Variants in IL1RAPL1 observed in about 807,000 individuals in gnomAD.
IL1RAPL1 encodes the protein interleukin-1 receptor accessory protein-like 1.
In IL1RAPL1, 3 loss-of-function variants were observed where a neutral mutation model predicts 48.4. That is an observed-to-expected ratio of 0.06 (90% confidence interval 0.03 to 0.16). The LOEUF is 0.16. Among genes scored for constraint, IL1RAPL1 ranks in the 10% least tolerant of loss-of-function variants. The pLI is 1.00. For missense variants in IL1RAPL1, 349 were observed against 530.6 expected (o/e 0.66, Z 3.36); for synonymous variants, 185 against 187.7 (o/e 0.99, Z 0.12).
intron 5 of IL1RAPL1, among the ~76,000 whole-genome samples, chrX:29,630,829 C>T (rs1253274285): frequency 5.3e-5 from 6 of 112,298 alleles, no homozygotes; most frequent in African/African-American, 1.3e-4. Context: ...TGAGCCACCG[C>T]GCCCAGCCCT....
At position 29,712,698 on chromosome X, in the gene IL1RAPL1, G is replaced by T. The variant is rs746299310; in HGVS notation, c.778+44194G>T. Among the ~76,000 whole-genome samples, 91 of 111,979 alleles carry T rather than the reference G, an allele frequency of 8.1e-4. 1 individual carries two copies. Among genetic ancestry groups the T allele is most frequent in the Non-Finnish European group, 1.3e-3 (69 of 53,134 alleles). On this transcript the variant is annotated intron_variant, in intron 6 of 10. Transcript: ENST00000378993. ...TTTGAGTAAAAAGAGTATATTTCTT[G>T]TGGAGTCTACATTGGTGCATTGTGG...
chrX:29,925,410 C>CTTTTTTTT (rs1569204989), intron 8 of IL1RAPL1, among the ~76,000 whole-genome samples: 4 of 6,066 alleles, frequency 6.6e-4, no homozygotes, highest in African/African-American at 1.4e-3. Context: ...TGTCCCGTAA[C>CTTTTTTTT]TGTTTTTTTT....
chrX:28,788,711 A>G (rs148006683), intron 1 of IL1RAPL1, among the ~76,000 whole-genome samples: 4,394 of 107,215 alleles, frequency 0.041, 242 homozygotes, highest in African/African-American at 0.14. Context: ...CAAGGGATCT[A>G]CCCGCTTCAG....
At chrX:29,387,776 T>G (rs1178254930) in intron 3 of IL1RAPL1, among the ~76,000 whole-genome samples, 1 of 110,901 alleles carries the variant, frequency 9.0e-6, no homozygotes, top group Non-Finnish European at 1.9e-5. Flanking sequence ...GTGGATCATT[T>G]GAGGTCAGGA....
In IL1RAPL1 at chrX:28,873,523, C is replaced by CTTTTTTTTTTTTTTTTTTTTTTT. The variant is rs10554661; in HGVS notation, c.82+84102_82+84124dup. On this transcript the variant is annotated intron_variant, in intron 2 of 10. Transcript: ENST00000378993. ...TTCTCAATTATTGTTTTCTTTCTTT[C>CTTTTTTTTTTTTTTTTTTTTTTT]TTTTTTTTTTTTTTTTTTTTTTTTT... 3.5e-5 allele frequency among the ~76,000 whole-genome samples: 2 copies of CTTTTTTTTTTTTTTTTTTTTTTT among 56,661 alleles called. 1 individual carries two copies. Among genetic ancestry groups the CTTTTTTTTTTTTTTTTTTTTTTT allele is most frequent in the African/African-American group, 1.6e-4 (2 of 12,403 alleles). 49.2% of individuals were successfully genotyped at this position (56,661 alleles called of 115,157 possible).
chrX:29,865,938 C>A (rs779476525), intron 6 of IL1RAPL1, among the ~76,000 whole-genome samples: 1 of 110,138 alleles, frequency 9.1e-6, no homozygotes, highest in Non-Finnish European at 1.9e-5. Context: ...GCGTGAGCCA[C>A]TGTGCCCGGC....
At position 29,766,356 on chromosome X, in the gene IL1RAPL1, TATATATAGATAGATAG is replaced by T. The variant is rs1175486052; in HGVS notation, c.778+97856_778+97871del. ...AAAAAAAAAAAAATATATATATATATATATATAGATAGATAGATAGATAGATAGATATTTTTATATA... is the reference window on the plus strand; with the variant it reads ...AAAAAAAAAAAAATATATATATATATATAGATAGATAGATATTTTTATATA... On this transcript the variant is annotated intron_variant, in intron 6 of 10. Coordinates refer to ENST00000378993, the MANE Select transcript of IL1RAPL1 (RefSeq NM_014271.4). Among the ~76,000 whole-genome samples the T allele has an allele frequency of 3.4e-4, 26 of 77,037 alleles. 1 individual carries two copies. The highest frequency in any genetic ancestry group is 1.4e-3 in the African/African-American group (26 of 18,484). 66.9% of individuals were successfully genotyped at this position (77,037 alleles called of 115,157 possible).
At chrX:29,832,604 G>C (rs1000549531) in intron 6 of IL1RAPL1, among the ~76,000 whole-genome samples, 2 of 111,013 alleles carry the variant, frequency 1.8e-5, no homozygotes, top group Admixed American at 1.9e-4. Flanking sequence ...TGACTGGCTA[G>C]TAAAAGGGAA....
chrX:29,491,227 C>A (rs1233807705), intron 5 of IL1RAPL1, among the ~76,000 whole-genome samples: 2 of 112,080 alleles, frequency 1.8e-5, no homozygotes, highest in Non-Finnish European at 3.8e-5. Context: ...TCAAAATTGT[C>A]TGCCATTTAA....
rs951286615 is a variant in IL1RAPL1 at position 29,147,520 on chromosome X, C to T, written c.83-135418C>T. On this transcript the variant is annotated intron_variant, in intron 2 of 10. Coordinates refer to ENST00000378993, the MANE Select transcript of IL1RAPL1 (RefSeq NM_014271.4). ...GTATGTGGGTTTGTGTATGTTTTGT[C>T]ACCAAGGTTGGGGTGATATTACCAC... Among the ~76,000 whole-genome samples the T allele has an allele frequency of 2.7e-5, 3 of 111,494 alleles. No homozygotes were observed. In the Admixed American group the frequency reaches 2.9e-4, roughly 11 times the overall value.
chrX:29,862,225 T>C (rs1418171153), intron 6 of IL1RAPL1, among the ~76,000 whole-genome samples: 1 of 110,339 alleles, frequency 9.1e-6, no homozygotes, highest in Non-Finnish European at 1.9e-5. Context: ...AAGTCAGGTG[T>C]GAGGTCAGCA....
At chrX:29,763,646 A>G (rs1361339209) in intron 6 of IL1RAPL1, among the ~76,000 whole-genome samples, 1 of 111,244 alleles carries the variant, frequency 9.0e-6, no homozygotes, top group East Asian at 2.8e-4. Flanking sequence ...AATAAAAGTA[A>G]TGTAAGTTTA....
chrX:28,890,784 T>C (rs1485572910), intron 2 of IL1RAPL1, among the ~76,000 whole-genome samples: 2 of 112,172 alleles, frequency 1.8e-5, no homozygotes, highest in African/African-American at 6.5e-5. Flanking sequence ...AGAACTCTTG[T>C]CTGACAATTA....
In IL1RAPL1 at chrX:29,122,992, A is replaced by G. The variant is rs181359899; in HGVS notation, c.83-159946A>G. Reference sequence around the variant, plus strand: ...TAGATGTAAAAGTATTATGTTAATTATAGAATAGCACGTTTTATTTATTTA... The same window carrying G: ...TAGATGTAAAAGTATTATGTTAATTGTAGAATAGCACGTTTTATTTATTTA... On this transcript the variant is annotated intron_variant, in intron 2 of 10. Coordinates refer to ENST00000378993, the MANE Select transcript of IL1RAPL1 (RefSeq NM_014271.4). Among the ~76,000 whole-genome samples the G allele has an allele frequency of 3.5e-4, 36 of 103,511 alleles. No individual in the cohort carries two copies. In the East Asian group the frequency reaches 0.01, roughly 30 times the overall value. The allele number at this position is 103,511 out of a possible 115,157, so 89.9% of individuals were successfully genotyped here.
At chrX:29,496,359 G>A (rs1294846271) in intron 5 of IL1RAPL1, among the ~76,000 whole-genome samples, 1 of 110,733 alleles carries the variant, frequency 9.0e-6, no homozygotes, top group East Asian at 2.8e-4. Context: ...TTTGGATCGT[G>A]GAGACAGATC....
intron 2 of IL1RAPL1, among the ~76,000 whole-genome samples, chrX:28,917,855 A>C (rs1455728126): frequency 8.9e-6 from 1 of 112,265 alleles, no homozygotes; most frequent in African/African-American, 3.2e-5. Context: ...CATCATCACC[A>C]TCCATGTATA....
intron 2 of IL1RAPL1, among the ~76,000 whole-genome samples, chrX:29,161,485 C>T (rs372265373): frequency 5.4e-5 from 6 of 111,948 alleles, no homozygotes; most frequent in Admixed American, 1.9e-4. Flanking sequence ...GTTGAAATAA[C>T]GAACCCACTT....
At chrX:29,912,234 G>A (rs1313508259) in intron 6 of IL1RAPL1, among the ~76,000 whole-genome samples, 1 of 111,608 alleles carries the variant, frequency 9.0e-6, no homozygotes, top group African/African-American at 3.3e-5. Context: ...ACAATGTGAA[G>A]CCTAGTTTAC....
chrX:29,865,588 T>C (rs1240546430), intron 6 of IL1RAPL1, among the ~76,000 whole-genome samples: 3 of 109,404 alleles, frequency 2.7e-5, no homozygotes, highest in Non-Finnish European at 5.7e-5. Flanking sequence ...ATGCCTGTGG[T>C]TGCATTGGGC....
Sources: gnomAD v4.1 joint callset for allele counts (sites outside exome capture counted in the v4.1 genomes callset) on GRCh38, gnomAD v4.1.1 for gene constraint, MANE v1.5 for transcripts, NCBI Gene and HGNC (gene_info 2026-07-23, HGNC 2026-07-21) for gene names.